The following IL1RAPL1 variants were observed in gnomAD, a reference collection of about 807,000 sequenced individuals.
IL1RAPL1 encodes interleukin-1 receptor accessory protein-like 1.
Under a neutral mutation model 48.4 loss-of-function variants are expected in IL1RAPL1, and 3 were observed. The observed-to-expected ratio is 0.06, with a 90% CI of 0.03 to 0.16. The LOEUF (loss-of-function observed/expected upper bound fraction) is 0.16, where lower values mean the gene tolerates loss of function less well. Among genes scored for constraint, IL1RAPL1 ranks in the 10% least tolerant of loss-of-function variants. The pLI, the probability that IL1RAPL1 is intolerant of heterozygous loss-of-function variation, is 1.00. For missense variants in IL1RAPL1, 349 were observed against 530.6 expected (o/e 0.66, Z 3.36); for synonymous variants, 185 against 187.7 (o/e 0.99, Z 0.12).
chrX:28,821,164 AT>A (rs1047991060), intron 2 of IL1RAPL1, among the ~76,000 whole-genome samples: 1 of 112,104 alleles, frequency 8.9e-6, no homozygotes, highest in Admixed American at 9.5e-5. Flanking sequence ...TTGATTTGAA[AT>A]TATCTAACCA....
intron 1 of IL1RAPL1, among the ~76,000 whole-genome samples, chrX:28,752,863 A>G (rs1030379811): frequency 4.5e-5 from 5 of 112,062 alleles, no homozygotes; most frequent in African/African-American, 1.6e-4. Context: ...TCTGATCCCT[A>G]TGCCTCCTAT....
chrX:29,448,221 C>T (rs747857171), intron 5 of IL1RAPL1, among the ~76,000 whole-genome samples: 2 of 111,508 alleles, frequency 1.8e-5, no homozygotes, highest in East Asian at 5.7e-4. Context: ...GAAAAGGAAG[C>T]GAAAGCCTGG....
Position 28,911,611 on chromosome X carries a change from T to C in IL1RAPL1, c.82+122186T>C, listed in dbSNP as rs778214459. ...ATTTATACCAAGTACTTATCACATA[T>C]AGAATTAAAGATTGGTCGTTTAATG... On this transcript the variant is annotated intron_variant, in intron 2 of 10. Transcript: ENST00000378993. Among the ~76,000 whole-genome samples the C allele has an allele frequency of 1.3e-4, 14 of 111,165 alleles. No homozygotes were observed. In the East Asian group the frequency reaches 3.4e-3, roughly 27 times the overall value.
chrX:29,790,076 A>G (rs1284100207), intron 6 of IL1RAPL1, among the ~76,000 whole-genome samples: 2 of 111,466 alleles, frequency 1.8e-5, no homozygotes, highest in African/African-American at 6.5e-5. Flanking sequence ...ATAACTCATG[A>G]GGCTAAAGCA....
At chrX:29,503,957 CTTT>C (rs369285020) in intron 5 of IL1RAPL1, among the ~76,000 whole-genome samples, 4 of 94,701 alleles carry the variant, frequency 4.2e-5, no homozygotes, top group Non-Finnish European at 2.1e-5. Flanking sequence ...AGCCTGAATC[CTTT>C]TTTTTTTTTT....
intron 3 of IL1RAPL1, among the ~76,000 whole-genome samples, chrX:29,313,647 C>A (rs1396114233): frequency 9.0e-6 from 1 of 111,327 alleles, no homozygotes; most frequent in Non-Finnish European, 1.9e-5. Context: ...TCCAGGAAGC[C>A]TAAAAAGGTG....
intron 3 of IL1RAPL1, among the ~76,000 whole-genome samples, chrX:29,360,609 T>G (rs950367693): frequency 8.9e-6 from 1 of 112,063 alleles, no homozygotes; most frequent in East Asian, 2.8e-4. Flanking sequence ...TAGTTTTAAC[T>G]TGTTATTTTG....
chrX:28,621,360 C>A (rs1411970671), intron 1 of IL1RAPL1, among the ~76,000 whole-genome samples: 1 of 111,252 alleles, frequency 9.0e-6, no homozygotes, highest in Non-Finnish European at 1.9e-5. Context: ...CCTTTTTTTA[C>A]TGAAAATTTC....
chrX:29,903,486 T>C (rs1003651912), intron 6 of IL1RAPL1, among the ~76,000 whole-genome samples: 3 of 111,267 alleles, frequency 2.7e-5, no homozygotes, highest in African/African-American at 9.8e-5. Context: ...TGTCTGGATG[T>C]TGATGCTTTT....
intron 6 of IL1RAPL1, among the ~76,000 whole-genome samples, chrX:29,782,392 G>A (rs914395614): frequency 9.0e-6 from 1 of 111,442 alleles, no homozygotes; most frequent in Non-Finnish European, 1.9e-5. Context: ...GGCCCTTAAT[G>A]TATAAATATT....
chrX:29,294,021 G>C (rs1195059349), intron 3 of IL1RAPL1, among the ~76,000 whole-genome samples: 1 of 107,786 alleles, frequency 9.3e-6, no homozygotes, highest in Non-Finnish European at 1.9e-5. Flanking sequence ...ATCTAATTTT[G>C]TGTGTGGTCC....
intron 2 of IL1RAPL1, among the ~76,000 whole-genome samples, chrX:29,124,617 C>G (rs1396074853): frequency 1.8e-5 from 2 of 111,745 alleles, no homozygotes; most frequent in East Asian, 5.6e-4. Context: ...AGTGGACCAA[C>G]GAATTGGCAT....
chrX:29,819,009 G>A lies in IL1RAPL1; in HGVS notation c.779-98455G>A, dbSNP rs1348099311. Among the ~76,000 whole-genome samples, 7 of 111,492 alleles carry A rather than the reference G, an allele frequency of 6.3e-5. No homozygotes were observed. The East Asian group carries it at 2.0e-3, about 31-fold the overall frequency. On this transcript the variant is annotated intron_variant, in intron 6 of 10. Transcript: ENST00000378993. ...CATCCACAACTCATATCTGAACCAA[G>A]GCAGGTTTCATAAATCAGAAGTCTA...
At chrX:29,635,447 T>C (rs894183330) in intron 5 of IL1RAPL1, among the ~76,000 whole-genome samples, 2 of 112,132 alleles carry the variant, frequency 1.8e-5, no homozygotes, top group African/African-American at 6.5e-5. Flanking sequence ...AGACAATTAC[T>C]AATTGCTTTT....
At chrX:28,762,636 T>C (rs1348180095) in intron 1 of IL1RAPL1, among the ~76,000 whole-genome samples, 2 of 110,369 alleles carry the variant, frequency 1.8e-5, no homozygotes, top group Non-Finnish European at 3.8e-5. Context: ...CATTATTCCA[T>C]GGTAATTTTT....
At chrX:29,215,830 G>A (rs1248997660) in intron 2 of IL1RAPL1, among the ~76,000 whole-genome samples, 2 of 110,908 alleles carry the variant, frequency 1.8e-5, no homozygotes, top group African/African-American at 6.6e-5. Context: ...TGTTATCTTG[G>A]CTTCAGACTT....
At chrX:29,751,350 A>G (rs1431921860) in intron 6 of IL1RAPL1, among the ~76,000 whole-genome samples, 1 of 111,686 alleles carries the variant, frequency 9.0e-6, no homozygotes, top group Non-Finnish European at 1.9e-5. Flanking sequence ...ATAACTGCTT[A>G]TCATTACTGA....
intron 2 of IL1RAPL1, among the ~76,000 whole-genome samples, chrX:29,013,879 G>GA (rs770863182): frequency 1.9e-3 from 195 of 104,695 alleles, no homozygotes; most frequent in Non-Finnish European, 3.0e-3. Flanking sequence ...AAAGTTGAAG[G>GA]AAAAAAAAAA....
At chrX:29,770,945 G>A (rs1285025256) in intron 6 of IL1RAPL1, among the ~76,000 whole-genome samples, 2 of 112,038 alleles carry the variant, frequency 1.8e-5, no homozygotes, top group African/African-American at 6.5e-5. Context: ...AGTATTGAGT[G>A]CCCTATGGAA....
Sources: allele counts gnomAD v4.1 joint callset (sites outside exome capture counted in the v4.1 genomes callset), GRCh38; gene constraint gnomAD v4.1.1; transcripts MANE v1.5; gene names NCBI Gene and HGNC (gene_info 2026-07-23, HGNC 2026-07-21).